The following TDRD6 variants were observed in gnomAD, a reference collection of about 807,000 sequenced individuals.
The protein encoded by TDRD6 is tudor domain containing 6.
In TDRD6, 186 loss-of-function variants were observed where a neutral mutation model predicts 157.5. The ratio of observed to expected loss-of-function variants is 1.18; its 90% CI spans 1.05 to 1.33. The LOEUF is 1.33. TDRD6 is among the 40% of genes most tolerant of loss of function. TDRD6 has a pLI of 0.00. For missense variants in TDRD6, 3,066 were observed against 2,508.0 expected (o/e 1.22, Z -4.75); for synonymous variants, 1,075 against 945.2 (o/e 1.14, Z -2.52).
In TDRD6 at chr6:46,690,213, T is replaced by G. The variant is rs1490773589; in HGVS notation, c.2085T>G (p.Ser695Arg). 86 of 1,613,644 alleles carry G rather than the reference T, an allele frequency of 5.3e-5. No individual in the cohort carries two copies. Among genetic ancestry groups the G allele is most frequent in the Middle Eastern group, 1.6e-4 (1 of 6,062 alleles). Residue 695 changes from serine to arginine, a missense_variant, in exon 1 of 4, where the codon AGT (serine) becomes AGG (arginine). Ser to Arg is a moderately radical substitution (Grantham distance 110, BLOSUM62 -1). Transcript: ENST00000316081. ...TTTCAAACCACTTTACTACGGAGAGTAACAAAATACCTTTTGCCAAGACTG... is the reference window on the plus strand; with the variant it reads ...TTTCAAACCACTTTACTACGGAGAGGAACAAAATACCTTTTGCCAAGACTG... ...GHVSNHFTTESNKIPFAKTGE... is the reference protein window; with the variant it reads ...GHVSNHFTTERNKIPFAKTGE...
rs1764293687 is a variant in TDRD6 at position 46,690,883 on chromosome 6, G to T, written c.2755G>T (p.Glu919Ter). 1 of 1,613,714 alleles carries T rather than the reference G, an allele frequency of 6.2e-7. No individual in the cohort carries two copies. The highest frequency in any genetic ancestry group is 8.5e-7 in the Non-Finnish European group (1 of 1,179,924). Residue 919 changes from glutamate to a stop codon, truncating the protein, a stop_gained, in exon 1 of 4, where the codon GAA becomes TAA. Transcript: ENST00000316081. LOFTEE classifies it high-confidence loss of function. Reference protein sequence around the residue: ...FIDNAWQKNLELKCTIFALAS... With the variant: ...FIDNAWQKNL ...AGATAATGCATGGCAAAAAAATCTA[G>T]AATTAAAATGTACAATATTTGCTCT...
chr6:46,688,628 A>G lies in TDRD6; in HGVS notation c.500A>G (p.His167Arg), dbSNP rs1764192470. ...AGCAACCTTCAGGGCAAGGAGGTGCACGGGTGCGTCCTGGACGTGCTGCTG... is the reference window on the plus strand; with the variant it reads ...AGCAACCTTCAGGGCAAGGAGGTGCGCGGGTGCGTCCTGGACGTGCTGCTG... ...FLSNLQGKEV[H>R]GCVLDVLLLH... The change falls in exon 1 of 4, where the codon CAC becomes CGC. Residue 167 changes from histidine (H) to arginine (R), a missense_variant. His to Arg is a conservative substitution (Grantham distance 29). Coordinates refer to ENST00000316081, the MANE Select transcript of TDRD6 (RefSeq NM_001010870.3). 1.9e-6 allele frequency: 3 copies of G among 1,599,032 alleles called. No individual in the cohort carries two copies. The highest frequency in any genetic ancestry group is 2.7e-5 in the African/African-American group (2 of 74,924).
At chr6:46,700,752 T>C (rs922374384) in intron 3 of TDRD6, among the ~76,000 whole-genome samples, 3 of 152,178 alleles carry the variant, frequency 2.0e-5, no homozygotes. Context: ...GAGCTAAACA[T>C]TGGAAAAGGG....
In TDRD6 at chr6:46,689,474, G is replaced by C. The variant is rs779651920; in HGVS notation, c.1346G>C (p.Ser449Thr). The C allele has an allele frequency of 2.5e-6, 4 of 1,613,470 alleles. No homozygotes were observed. Among genetic ancestry groups the C allele is most frequent in the African/African-American group, 1.3e-5 (1 of 74,910 alleles). The stretch of plus-strand genomic sequence containing the variant: ...TGCTTGGCTGACCGAGTCCTTCAGA[G>C]CCAGGCAACAGAGGAGGAGGAACCA... ...SCCLADRVLQ[S>T]QATEEEEPET... Residue 449 changes from serine to threonine, a missense_variant, in exon 1 of 4, where the codon AGC becomes ACC. Ser to Thr is a moderately conservative substitution (Grantham distance 58). Coordinates refer to ENST00000316081, the MANE Select transcript of TDRD6 (RefSeq NM_001010870.3).
chr6:46,686,280 T>G (rs1466754821), upstream of TDRD6, among the ~76,000 whole-genome samples: 1 of 152,220 alleles, frequency 6.6e-6, no homozygotes, highest in East Asian at 1.9e-4. Flanking sequence ...TAAGACCATT[T>G]TATAATGAAT....
the TDRD6 span, among the ~76,000 whole-genome samples, chr6:46,682,392 T>A: frequency 6.6e-6 from 1 of 152,104 alleles, no homozygotes; most frequent in East Asian, 1.9e-4. Context: ...GTAGCTAACA[T>A]CGTATTTGTG....
chr6:46,694,187 T>C lies in TDRD6; in HGVS notation c.6046+13T>C. The C allele has an allele frequency of 6.6e-7, 1 of 1,506,366 alleles. No homozygotes were observed. 93.3% of individuals were successfully genotyped at this position (1,506,366 alleles called of 1,614,324 possible). ...GATCATATCTCAGGTATGTGAATTT[T>C]TTTTCCTTTTTACTTTTTTTTTTTT... On this transcript the variant is annotated intron_variant, in intron 1 of 3. Transcript: ENST00000316081.
chr6:46,689,609 A>C lies in TDRD6; in HGVS notation c.1481A>C (p.Glu494Ala). 5 of 1,614,176 alleles carry C rather than the reference A, an allele frequency of 3.1e-6. No individual in the cohort carries two copies. The highest frequency in any genetic ancestry group is 2.5e-6 in the Non-Finnish European group (3 of 1,180,042). The change falls in exon 1 of 4, where the codon GAG (glutamate) becomes GCG (alanine). Residue 494 changes from glutamate (E) to alanine (A), a missense_variant. Glu to Ala is a moderately radical substitution (Grantham distance 107, BLOSUM62 -1). Transcript: ENST00000316081. ...KMNAFYDAQV[E>A]FVKNPSEFWI... ...AATGCCTTCTACGATGCGCAGGTAG[A>C]GTTTGTTAAAAATCCTTCTGAGTTT...
intron 3 of TDRD6, 79 bp from the exon 4 acceptor site, chr6:46,701,779 C>T (rs1582554958): frequency 7.0e-7 from 1 of 1,430,158 alleles, no homozygotes; most frequent in East Asian, 2.3e-5. Flanking sequence ...TTACATTTGT[C>T]ATGGTAACAC....
At chr6:46,696,129 T>TC (rs1041035707) in intron 2 of TDRD6, among the ~76,000 whole-genome samples, 184 bp downstream of exon 2, 7 of 152,174 alleles carry the variant, frequency 4.6e-5, no homozygotes, top group African/African-American at 1.7e-4. Flanking sequence ...CAAGAAATCA[T>TC]CCTAGGCTGT....
In TDRD6 at chr6:46,701,923, C is replaced by G; in HGVS notation, c.*36C>G. The G allele has an allele frequency of 6.2e-7, 1 of 1,608,334 alleles. No individual in the cohort carries two copies. Among genetic ancestry groups the G allele is most frequent in the Non-Finnish European group, 8.5e-7 (1 of 1,175,744 alleles). ...ATAGCTGTGGCCAATCAGTCAGAAG[C>G]TGCCCTTGAACAAGTGGCATCTTAC... On this transcript the variant is annotated 3_prime_UTR_variant, in exon 4 of 4. Coordinates refer to ENST00000316081, the MANE Select transcript of TDRD6 (RefSeq NM_001010870.3).
chr6:46,689,298 G>GT lies in TDRD6; in HGVS notation c.1171dup (p.Ser391PhefsTer5). 1 of 1,614,162 alleles carries GT rather than the reference G, an allele frequency of 6.2e-7. No individual in the cohort carries two copies. The highest frequency in any genetic ancestry group is 1.1e-5 in the South Asian group (1 of 91,082). On this transcript the variant is annotated frameshift_variant, in exon 1 of 4. Coordinates refer to ENST00000316081, the MANE Select transcript of TDRD6 (RefSeq NM_001010870.3). LOFTEE classifies it high-confidence loss of function. ...GGGACGGTGGGAGAGGCTGGTCTCG[G>GT]TCACAGGTCGGTGACCTGAAGACAC...
chr6:46,687,833 G>A (rs993335546), upstream of TDRD6: 8 of 368,606 alleles, frequency 2.2e-5, no homozygotes, highest in African/African-American at 2.2e-5. Context: ...GCCTCGGCTG[G>A]CCCCGCCCAC....
chr6:46,691,465 G>T lies in TDRD6; in HGVS notation c.3337G>T (p.Val1113Leu), dbSNP rs1764315836. Residue 1113 changes from valine (V) to leucine (L), a missense_variant, in exon 1 of 4, where the codon GTG becomes TTG. Coordinates refer to ENST00000316081, the MANE Select transcript of TDRD6 (RefSeq NM_001010870.3). ...IPDHIPEEVV[V>L]WFQETILDKS... ...TGATCATATACCAGAAGAAGTGGTG[G>T]TGTGGTTTCAGGAGACTATTTTAGA... 6.2e-7 allele frequency: 1 copy of T among 1,613,952 alleles called. No individual in the cohort carries two copies. The highest frequency in any genetic ancestry group is 2.2e-5 in the East Asian group (1 of 44,864).
chr6:46,696,690 C>A (rs9472821), intron 2 of TDRD6, among the ~76,000 whole-genome samples: 1,872 of 136,570 alleles, frequency 0.014, 44 homozygotes, highest in African/African-American at 0.048. Flanking sequence ...TGGCTCACTG[C>A]AAGCTCTGCC....
rs188696460 is a variant in TDRD6 at position 46,692,614 on chromosome 6, A to G, written c.4486A>G (p.Ser1496Gly). 5 of 1,613,584 alleles carry G rather than the reference A, an allele frequency of 3.1e-6. No individual in the cohort carries two copies. The African/African-American group carries it at 6.7e-5, about 22-fold the overall frequency. ...TTCTACCCAAGTAATTAAAAGTGCC[A>G]GTTCAAAGTCTGTTAACAAATCAGA... ...ELSTQVIKSA[S>G]SKSVNKSDID... Residue 1496 changes from serine (S) to glycine (G), a missense_variant, in exon 1 of 4, where the codon AGT becomes GGT. Coordinates refer to ENST00000316081, the MANE Select transcript of TDRD6 (RefSeq NM_001010870.3).
Position 46,691,133 on chromosome 6 carries a change from A to G in TDRD6, c.3005A>G (p.Tyr1002Cys). ...CATATTGATGACCCTTGGACATTTTATTGCCAGCTGGCAAGAAATGCAAAT... is the reference window on the plus strand; with the variant it reads ...CATATTGATGACCCTTGGACATTTTGTTGCCAGCTGGCAAGAAATGCAAAT... ...ITHIDDPWTF[Y>C]CQLARNANIL... Residue 1002 changes from tyrosine (Y) to cysteine (C), a missense_variant, in exon 1 of 4, where the codon TAT (tyrosine) becomes TGT (cysteine). Transcript: ENST00000316081. The G allele has an allele frequency of 1.2e-6, 2 of 1,613,830 alleles. No homozygotes were observed. The highest frequency in any genetic ancestry group is 8.5e-7 in the Non-Finnish European group (1 of 1,179,898).
chr6:46,696,048 ACTTG>A, intron 2 of TDRD6, 103 bp downstream of exon 2: 2 of 1,291,892 alleles, frequency 1.5e-6, no homozygotes, highest in Non-Finnish European at 2.1e-6. Context: ...ACAAATGTTT[ACTTG>A]CTTGTTCCCC....
Position 46,692,081 on chromosome 6 carries a change from C to A in TDRD6, c.3953C>A (p.Ser1318Ter). Residue 1318 changes from serine to a stop codon, truncating the protein, a stop_gained, in exon 1 of 4, where the codon TCA becomes TAA. Coordinates refer to ENST00000316081, the MANE Select transcript of TDRD6 (RefSeq NM_001010870.3). LOFTEE classifies it high-confidence loss of function. ...TVYVSHINDL[S>*]DFYVQLIEDE... ...TATGTTTCTCATATAAATGACCTTT[C>A]AGACTTTTATGTTCAACTAATAGAA... is the stretch of plus-strand genomic sequence containing the variant. 1 of 1,612,944 alleles carries A rather than the reference C, an allele frequency of 6.2e-7. No individual in the cohort carries two copies. The highest frequency in any genetic ancestry group is 1.1e-5 in the South Asian group (1 of 90,914).
Sources: gnomAD v4.1 joint callset for allele counts (sites outside exome capture counted in the v4.1 genomes callset) on GRCh38, gnomAD v4.1.1 for gene constraint, MANE v1.5 for transcripts, NCBI Gene and HGNC (gene_info 2026-07-23, HGNC 2026-07-21) for gene names.